Variants in UBE2E1 observed in about 807,000 individuals in gnomAD.
The protein encoded by UBE2E1 is ubiquitin-conjugating enzyme E2 E1.
In UBE2E1, 6 loss-of-function variants were observed where a neutral mutation model predicts 21.4. The observed-to-expected ratio is 0.28, with a 90% CI of 0.15 to 0.55. UBE2E1 has a LOEUF of 0.55. Ranked by LOEUF, UBE2E1 falls within the 20% of genes least tolerant of loss-of-function variation. The pLI, the probability that UBE2E1 is intolerant of heterozygous loss-of-function variation, is 0.93. For missense variants in UBE2E1, 142 were observed against 236.5 expected, an observed-to-expected ratio of 0.60 and a Z score of 2.62; for synonymous variants, 87 against 82.7, an observed-to-expected ratio of 1.05 and a Z score of -0.28.
At chr3:23,812,734 G>T (rs1341619503) in intron 3 of UBE2E1, among the ~76,000 whole-genome samples, 2 of 152,112 alleles carry the variant, frequency 1.3e-5, no homozygotes, top group African/African-American at 2.4e-5. Flanking sequence ...AAAACCATAA[G>T]ACTTAGGCCT....
At chr3:23,840,834 T>C (rs1700070504) in intron 3 of UBE2E1, among the ~76,000 whole-genome samples, 1 of 152,216 alleles carries the variant, frequency 6.6e-6, no homozygotes, top group Non-Finnish European at 1.5e-5. Flanking sequence ...GGTTATTCCT[T>C]CCTGCACCAC....
intron 3 of UBE2E1, among the ~76,000 whole-genome samples, chr3:23,839,092 A>G (rs1700031122): frequency 6.6e-6 from 1 of 152,006 alleles, no homozygotes; most frequent in African/African-American, 2.4e-5. Flanking sequence ...TTATTGTCAT[A>G]TATTTTATTC....
Position 23,810,359 on chromosome 3 carries a change from C to A in UBE2E1, c.153-1101C>A. 7.1e-7 allele frequency: 1 copy of A among 1,411,832 alleles called. No homozygotes were observed. The highest frequency in any genetic ancestry group is 9.7e-7 in the Non-Finnish European group (1 of 1,036,222). 87.5% of individuals were successfully genotyped at this position (1,411,832 alleles called of 1,614,324 possible). A position where few individuals can be genotyped will look rare whatever the true frequency, so the allele number is the denominator to read the frequency against. On this transcript the variant is annotated intron_variant, in intron 2 of 5. Coordinates refer to ENST00000306627, the MANE Select transcript of UBE2E1 (RefSeq NM_003341.5). The surrounding 1 kb of genome is among the most constrained non-coding windows in gnomAD (Gnocchi z 5.8). ...AAAGGCCAGGGCTTGGTGTGAACTGCCTGGTGGCTTCGGCCTATGAGTGGG... is the reference window on the plus strand; with the variant it reads ...AAAGGCCAGGGCTTGGTGTGAACTGACTGGTGGCTTCGGCCTATGAGTGGG...
chr3:23,819,299 A>C (rs1375869670), intron 3 of UBE2E1, among the ~76,000 whole-genome samples: 2 of 152,138 alleles, frequency 1.3e-5, no homozygotes, highest in Non-Finnish European at 2.9e-5. Flanking sequence ...AAATAAATAA[A>C]TAAATAAATA....
chr3:23,840,636 A>G (rs1700065716), intron 3 of UBE2E1, among the ~76,000 whole-genome samples: 1 of 152,210 alleles, frequency 6.6e-6, no homozygotes, highest in Non-Finnish European at 1.5e-5. Context: ...AATGCAAACT[A>G]TTCTCAGCCC....
chr3:23,840,717 C>T (rs1196428507), intron 3 of UBE2E1, among the ~76,000 whole-genome samples: 1 of 152,210 alleles, frequency 6.6e-6, no homozygotes, highest in Non-Finnish European at 1.5e-5. Flanking sequence ...AGTGTCCTCT[C>T]ATGCATGTGC....
At chr3:23,882,932 G>C (rs1422776830) in intron 3 of UBE2E1, among the ~76,000 whole-genome samples, 4 of 152,184 alleles carry the variant, frequency 2.6e-5, no homozygotes, top group African/African-American at 9.6e-5. Flanking sequence ...ACACCTCCCT[G>C]CAAACAGAGG....
rs911626625 is a variant in UBE2E1 at position 23,836,415 on chromosome 3, A to G, written c.203+24905A>G. On this transcript the variant is annotated intron_variant, in intron 3 of 5. Transcript: ENST00000306627. This position sits in a 1 kb window ranked among gnomAD's most constrained non-coding sequence, Gnocchi z 4.1. ...CCATGTGCTGTACTGGGGAAGACATAAACAGGAGAGACTAGGTCCAGACTC... is the reference window on the plus strand; with the variant it reads ...CCATGTGCTGTACTGGGGAAGACATGAACAGGAGAGACTAGGTCCAGACTC... Among the ~76,000 whole-genome samples the G allele has an allele frequency of 6.6e-6, 1 of 152,230 alleles. No homozygotes were observed. The highest frequency in any genetic ancestry group is 1.5e-5 in the Non-Finnish European group (1 of 68,036).
intron 3 of UBE2E1, among the ~76,000 whole-genome samples, chr3:23,868,986 T>G (rs1700718090): frequency 6.6e-6 from 1 of 152,208 alleles, no homozygotes; most frequent in African/African-American, 2.4e-5. Context: ...GTCAGTAAGT[T>G]AGCTCATTCC....
chr3:23,807,535 T>C, intron 2 of UBE2E1, 114 bp downstream of exon 2: 1 of 1,341,442 alleles, frequency 7.5e-7, no homozygotes, highest in Non-Finnish European at 9.9e-7. Flanking sequence ...TTATGTGTTC[T>C]TAAAAATGAA....
chr3:23,845,587 CTCTG>C (rs1174912742), intron 3 of UBE2E1, among the ~76,000 whole-genome samples: 9 of 115,546 alleles, frequency 7.8e-5, no homozygotes, highest in Non-Finnish European at 1.1e-4. Flanking sequence ...CTCTCTCTCT[CTCTG>C]TGTGTGTGTG....
chr3:23,806,993 G>C lies in UBE2E1; in HGVS notation c.-33-244G>C, dbSNP rs1699291443. On this transcript the variant is annotated intron_variant, in intron 1 of 5. Coordinates refer to ENST00000306627, the MANE Select transcript of UBE2E1 (RefSeq NM_003341.5). The surrounding 1 kb of genome is among the most constrained non-coding windows in gnomAD (Gnocchi z 6.5). Reference sequence around the variant, plus strand: ...CCCAGCGGAGAGCCCCGGGGGGCGAGGGAGGGGCCTCTCTCCTAGCTCCAG... The same window carrying C: ...CCCAGCGGAGAGCCCCGGGGGGCGACGGAGGGGCCTCTCTCCTAGCTCCAG... The C allele has an allele frequency of 6.8e-6, 2 of 292,482 alleles. No homozygotes were observed. The highest frequency in any genetic ancestry group is 2.4e-4 in the South Asian group (2 of 8,428). 18.1% of individuals were successfully genotyped at this position (292,482 alleles called of 1,614,324 possible).
intron 5 of UBE2E1, 56 bp downstream of exon 5, chr3:23,889,315 T>C (rs549844722): frequency 3.7e-6 from 6 of 1,610,012 alleles, no homozygotes; most frequent in Non-Finnish European, 5.1e-6. Context: ...AAAATACTTG[T>C]TTCCAAAAGC....
In UBE2E1 at chr3:23,870,300, C is replaced by T. The variant is rs1700756610; in HGVS notation, c.204-17267C>T. On this transcript the variant is annotated intron_variant, in intron 3 of 5. Coordinates refer to ENST00000306627, the MANE Select transcript of UBE2E1 (RefSeq NM_003341.5). The surrounding 1 kb of genome is among the most constrained non-coding windows in gnomAD (Gnocchi z 4.2). ...TAGCTCCTTTTTTTAAAAAAAGGAG[C>T]CAGTTGTGAAGTCACACTTATATCA... 6.6e-6 allele frequency among the ~76,000 whole-genome samples: 1 copy of T among 152,108 alleles called. No homozygotes were observed. The highest frequency in any genetic ancestry group is 2.4e-5 in the African/African-American group (1 of 41,410).
At chr3:23,869,088 T>A (rs1326260440) in intron 3 of UBE2E1, among the ~76,000 whole-genome samples, 1 of 152,178 alleles carries the variant, frequency 6.6e-6, no homozygotes, top group Non-Finnish European at 1.5e-5. Context: ...TAGGGTAAGT[T>A]CCAAGAAGCA....
rs1699360273 is a variant in UBE2E1 at position 23,810,453 on chromosome 3, C to T, written c.153-1007C>T. On this transcript the variant is annotated intron_variant, in intron 2 of 5. Coordinates refer to ENST00000306627, the MANE Select transcript of UBE2E1 (RefSeq NM_003341.5). This position sits in a 1 kb window ranked among gnomAD's most constrained non-coding sequence, Gnocchi z 5.8. ...AAACTGCAGGTCTCCAGTCTATCCCCAGTGTGAGCTAGAGAGCGGACCATG... is the reference window on the plus strand; with the variant it reads ...AAACTGCAGGTCTCCAGTCTATCCCTAGTGTGAGCTAGAGAGCGGACCATG... 2.0e-6 allele frequency: 3 copies of T among 1,535,588 alleles called. No homozygotes were observed. The highest frequency in any genetic ancestry group is 1.7e-6 in the Non-Finnish European group (2 of 1,146,674).
At chr3:23,883,568 CAT>C (rs1463745548) in intron 3 of UBE2E1, among the ~76,000 whole-genome samples, 10 of 152,154 alleles carry the variant, frequency 6.6e-5, no homozygotes, top group African/African-American at 1.4e-4. Flanking sequence ...AGAAAGTACA[CAT>C]GATAAAAAGC....
intron 3 of UBE2E1, among the ~76,000 whole-genome samples, chr3:23,813,880 A>G (rs1018182248): frequency 6.6e-6 from 1 of 152,160 alleles, no homozygotes; most frequent in South Asian, 2.1e-4. Context: ...ATGAAAATCT[A>G]TGAATTAAGT....
intron 3 of UBE2E1, among the ~76,000 whole-genome samples, chr3:23,848,323 G>C (rs529953501): frequency 6.6e-6 from 1 of 152,190 alleles, no homozygotes; most frequent in East Asian, 1.9e-4. Context: ...ACAAAAATTA[G>C]CTGGGTGTGG....
Sources: allele counts gnomAD v4.1 joint callset (sites outside exome capture counted in the v4.1 genomes callset), GRCh38; gene constraint gnomAD v4.1.1; non-coding constraint Gnocchi (gnomAD v3.1); transcripts MANE v1.5; gene names NCBI Gene and HGNC (gene_info 2026-07-23, HGNC 2026-07-21).